The following TESK2 variants were observed in gnomAD, a reference collection of about 807,000 sequenced individuals.
TESK2 encodes testis associated actin remodelling kinase 2.
TESK2 carries 39 observed loss-of-function variants against 57.1 expected under a neutral mutation model. That is an observed-to-expected ratio of 0.68 (90% confidence interval 0.53 to 0.89). The LOEUF is 0.89. Among genes scored for constraint, TESK2 ranks in the 40% least tolerant of loss-of-function variants. The pLI is 0.00. For missense variants in TESK2, 646 were observed against 732.1 expected (o/e 0.88, Z 1.36); for synonymous variants, 249 against 267.9 (o/e 0.93, Z 0.69).
intron 1 of TESK2, among the ~76,000 whole-genome samples, chr1:45,462,141 GA>G (rs1372819787): frequency 3.3e-5 from 5 of 151,990 alleles, no homozygotes; most frequent in Admixed American, 3.3e-4. Flanking sequence ...CTATCTCCAT[GA>G]GTTCAATTGT....
intron 1 of TESK2, among the ~76,000 whole-genome samples, chr1:45,480,866 T>C (rs553705330): frequency 5.9e-5 from 9 of 151,694 alleles, no homozygotes; most frequent in African/African-American, 1.9e-4. Context: ...TGCACACCTG[T>C]AATCCCAGCT....
chr1:45,345,564 G>A lies in TESK2; in HGVS notation c.998-6C>T. Reference sequence around the variant, plus strand: ...AGGTGCTTTCTCCAAGAGTCCTGAAGAATAATCAAGTCTGGGTTACTCTCA... The same window carrying A: ...AGGTGCTTTCTCCAAGAGTCCTGAAAAATAATCAAGTCTGGGTTACTCTCA... On this transcript the variant is annotated splice_region_variant and splice_polypyrimidine_tract_variant and intron_variant, in intron 10 of 10. Coordinates refer to ENST00000372086, the MANE Select transcript of TESK2 (RefSeq NM_007170.3). 1 of 1,609,470 alleles carries A rather than the reference G, an allele frequency of 6.2e-7. No individual in the cohort carries two copies. Among genetic ancestry groups the A allele is most frequent in the Non-Finnish European group, 8.5e-7 (1 of 1,177,050 alleles).
intron 2 of TESK2, among the ~76,000 whole-genome samples, chr1:45,454,050 C>T (rs914047671): frequency 3.9e-5 from 6 of 152,098 alleles, no homozygotes; most frequent in Non-Finnish European, 8.8e-5. Context: ...AACTGGAACC[C>T]TTACATATTG....
chr1:45,478,178 T>C (rs966605176), intron 1 of TESK2, among the ~76,000 whole-genome samples: 1 of 152,208 alleles, frequency 6.6e-6, no homozygotes, highest in African/African-American at 2.4e-5. Context: ...CTGCTCACAC[T>C]TCAATATCTA....
intron 1 of TESK2, among the ~76,000 whole-genome samples, chr1:45,470,972 C>T (rs539607186): frequency 3.3e-5 from 5 of 152,198 alleles, no homozygotes; most frequent in Non-Finnish European, 5.9e-5. Flanking sequence ...GAGGCTCACA[C>T]CTGTAATCCT....
At chr1:45,434,595 G>A (rs545742586) in intron 2 of TESK2, among the ~76,000 whole-genome samples, 91 of 151,680 alleles carry the variant, frequency 6.0e-4, no homozygotes, top group Non-Finnish European at 1.1e-3. Context: ...AGCATTTTTC[G>A]TATACCTGTT....
intron 3 of TESK2, among the ~76,000 whole-genome samples, chr1:45,416,268 A>C: frequency 6.6e-6 from 1 of 150,770 alleles, no homozygotes; most frequent in Non-Finnish European, 1.5e-5. Context: ...TTTTTTGTAG[A>C]GAAAACAAGG....
chr1:45,390,657 C>T (rs1649097520), intron 3 of TESK2, among the ~76,000 whole-genome samples: 1 of 148,124 alleles, frequency 6.8e-6, no homozygotes, highest in Admixed American at 6.7e-5. Flanking sequence ...CTCATTGCAA[C>T]CTTGAACTTC....
At chr1:45,430,603 G>A (rs1650908911) in intron 2 of TESK2, among the ~76,000 whole-genome samples, 1 of 152,212 alleles carries the variant, frequency 6.6e-6, no homozygotes, top group Non-Finnish European at 1.5e-5. Context: ...GATACCAAGG[G>A]TTAGTTTGTG....
chr1:45,413,590 T>C (rs1054191940), intron 3 of TESK2, among the ~76,000 whole-genome samples: 44 of 152,194 alleles, frequency 2.9e-4, no homozygotes, highest in Middle Eastern at 3.2e-3. Flanking sequence ...TCTTTCTTTC[T>C]TTCTTTCCTT....
intron 3 of TESK2, chr1:45,415,332 T>C: frequency 1.8e-6 from 2 of 1,094,690 alleles, no homozygotes; most frequent in Non-Finnish European, 2.8e-6. Flanking sequence ...TTGCTGACTG[T>C]GGACAACTCT....
chr1:45,346,412 A>T (rs1036888000), intron 9 of TESK2, among the ~76,000 whole-genome samples: 1 of 152,236 alleles, frequency 6.6e-6, no homozygotes, highest in African/African-American at 2.4e-5. Flanking sequence ...ACAGTCCAAC[A>T]ATAAAACCGG....
At chr1:45,470,490 C>G (rs1189858334) in intron 1 of TESK2, among the ~76,000 whole-genome samples, 1 of 152,188 alleles carries the variant, frequency 6.6e-6, no homozygotes, top group Non-Finnish European at 1.5e-5. Context: ...ACTGGCATCC[C>G]TTATCTAATT....
rs1188878161 is a variant in TESK2, at chr1:45,399,120, G to A, written c.345-13160C>T. ...TCACAGTTAGTTCTCAGTATTCATT[G>A]AACTTAAATAAAAGTTGAAATTTTT... On this transcript the variant is annotated intron_variant, in intron 3 of 10. Coordinates refer to ENST00000372086, the MANE Select transcript of TESK2 (RefSeq NM_007170.3). 1.6e-5 allele frequency: 3 copies of A among 192,126 alleles called. No homozygotes were observed. In the East Asian group the frequency reaches 4.8e-4, roughly 31 times the overall value. The allele number at this position is 192,126 out of a possible 1,614,324, so 11.9% of individuals were successfully genotyped here. A position where few individuals can be genotyped will look rare whatever the true frequency, so the allele number is the denominator to read the frequency against.
intron 1 of TESK2, among the ~76,000 whole-genome samples, chr1:45,476,435 G>T (rs909604663): frequency 6.6e-6 from 1 of 151,928 alleles, no homozygotes; most frequent in African/African-American, 2.4e-5. Context: ...TTGAGCCCAG[G>T]AGCGGAGGTT....
At chr1:45,460,767 A>C (rs1303565355) in intron 1 of TESK2, among the ~76,000 whole-genome samples, 1 of 152,132 alleles carries the variant, frequency 6.6e-6, no homozygotes, top group African/African-American at 2.4e-5. Context: ...TCACTAAAAA[A>C]ATAATAATAA....
At chr1:45,386,557 G>T (rs1394938691) in intron 3 of TESK2, among the ~76,000 whole-genome samples, 2 of 152,048 alleles carry the variant, frequency 1.3e-5, no homozygotes, top group African/African-American at 4.8e-5. Context: ...TAGGGGTACA[G>T]GTGGTTTTTG....
intron 1 of TESK2, among the ~76,000 whole-genome samples, chr1:45,480,458 C>CA (rs112614744): frequency 0.072 from 5,285 of 73,872 alleles, 380 homozygotes; most frequent in African/African-American, 0.22. Flanking sequence ...ACTCAGTCTC[C>CA]AAAAAAAAAA....
chr1:45,395,968 G>GTTTGT (rs1409900720), intron 3 of TESK2, among the ~76,000 whole-genome samples: 1 of 151,836 alleles, frequency 6.6e-6, no homozygotes, highest in African/African-American at 2.4e-5. Flanking sequence ...GTAAATTATG[G>GTTTGT]TTTGTTTTGT....
Sources: gnomAD v4.1 joint callset for allele counts (sites outside exome capture counted in the v4.1 genomes callset) on GRCh38, gnomAD v4.1.1 for gene constraint, MANE v1.5 for transcripts, NCBI Gene and HGNC (gene_info 2026-07-23, HGNC 2026-07-21) for gene names.